The following GPATCH3 variants were observed in gnomAD, a reference collection of about 807,000 sequenced individuals.
GPATCH3 encodes the protein G-patch domain containing 3.
A neutral mutation model predicts 53.2 loss-of-function variants in GPATCH3; 45 were observed. The ratio of observed to expected loss-of-function variants is 0.85; its 90% CI spans 0.67 to 1.08. The LOEUF is 1.08. Among genes scored for constraint, GPATCH3 ranks in the 50% least tolerant of loss-of-function variants. The pLI is 0.00. For synonymous variants in GPATCH3, 280 were observed against 270.6 expected, an observed-to-expected ratio of 1.03 and a Z score of -0.34; for missense variants, 680 against 687.2, an observed-to-expected ratio of 0.99 and a Z score of 0.12.
chr1:26,900,145 G>A lies in GPATCH3; in HGVS notation c.298C>T (p.Arg100Cys), dbSNP rs2081968900. Reference sequence around the variant, plus strand: ...ACCGAGATGACGCAGCAGCAGGTGCGGGTCTGGATTGGAGTAGAGTCTCGA... The same window carrying A: ...ACCGAGATGACGCAGCAGCAGGTGCAGGTCTGGATTGGAGTAGAGTCTCGA... ...STRDSTPIQT[R>C]TCCCVISVRG... The change falls in exon 1 of 7, where the codon CGC (arginine) becomes TGC (cysteine). Residue 100 changes from arginine (R) to cysteine (C), a missense_variant. Physicochemically the swap from Arg to Cys is radical, Grantham distance 180. Transcript: ENST00000361720. 2.5e-6 allele frequency: 4 copies of A among 1,614,174 alleles called. No individual in the cohort carries two copies. The highest frequency in any genetic ancestry group is 4.5e-5 in the East Asian group (2 of 44,880).
rs1370496471 is a variant in GPATCH3, at chr1:26,890,937, C to T, written c.*73G>A. On this transcript the variant is annotated 3_prime_UTR_variant, in exon 7 of 7. Transcript: ENST00000361720. Reference sequence around the variant, plus strand: ...AAGACTGCTGCTCCCAGACTCCTTTCTGCTTCAGTGGTAGATGAGGCCAGG... The same window carrying T: ...AAGACTGCTGCTCCCAGACTCCTTTTTGCTTCAGTGGTAGATGAGGCCAGG... 7.3e-7 allele frequency: 1 copy of T among 1,373,920 alleles called. No individual in the cohort carries two copies. The highest frequency in any genetic ancestry group is 1.0e-6 in the Non-Finnish European group (1 of 962,114). 85.1% of individuals were successfully genotyped at this position (1,373,920 alleles called of 1,614,324 possible). A position where few individuals can be genotyped will look rare whatever the true frequency, so the allele number is the denominator to read the frequency against.
chr1:26,894,823 T>C (rs1486484623), intron 2 of GPATCH3, among the ~76,000 whole-genome samples: 1 of 152,156 alleles, frequency 6.6e-6, no homozygotes, highest in East Asian at 1.9e-4. Flanking sequence ...CCTTTTTATG[T>C]CATATCACAA....
At chr1:26,894,173 A>T (rs2081940682) in intron 3 of GPATCH3, 63 bp downstream of exon 3, 1 of 1,540,050 alleles carries the variant, frequency 6.5e-7, no homozygotes, top group Non-Finnish European at 8.9e-7. Flanking sequence ...ACCGTGTGGA[A>T]CAGGGAACCC....
At chr1:26,891,999 G>A (rs1050177587) in intron 6 of GPATCH3, among the ~76,000 whole-genome samples, 1 of 152,048 alleles carries the variant, frequency 6.6e-6, no homozygotes, top group East Asian at 1.9e-4. Flanking sequence ...GAGCCACTGC[G>A]CCCGGCTAAT....
chr1:26,893,863 C>T (rs1360732075), intron 3 of GPATCH3, among the ~76,000 whole-genome samples: 2 of 152,056 alleles, frequency 1.3e-5, no homozygotes, highest in African/African-American at 2.4e-5. Flanking sequence ...GTCCCCCAGG[C>T]TGGAGTAAAG....
intron 2 of GPATCH3, 42 bp from the exon 3 acceptor site, chr1:26,894,452 T>A: frequency 6.3e-7 from 1 of 1,596,810 alleles, no homozygotes. Context: ...CTTCCTGACC[T>A]CATGCCCCGA....
chr1:26,895,545 G>T (rs1279028549), intron 2 of GPATCH3, among the ~76,000 whole-genome samples: 4 of 144,240 alleles, frequency 2.8e-5, no homozygotes, highest in Non-Finnish European at 6.2e-5. Context: ...AAAAAAAAAG[G>T]AAAGGAAGGA....
chr1:26,892,580 C>T (rs1432480290), intron 5 of GPATCH3, 42 bp from the exon 6 acceptor site: 9 of 1,605,916 alleles, frequency 5.6e-6, no homozygotes, highest in Admixed American at 3.3e-5. Context: ...GGGGCTCCTG[C>T]TGGGAGCAGG....
At chr1:26,899,754 G>C (rs534130891) in intron 1 of GPATCH3, among the ~76,000 whole-genome samples, 1 of 152,232 alleles carries the variant, frequency 6.6e-6, no homozygotes, top group African/African-American at 2.4e-5. Context: ...CCCTTGGATA[G>C]AGAAAGGGTC....
intron 1 of GPATCH3, among the ~76,000 whole-genome samples, chr1:26,899,179 A>C (rs936269901): frequency 6.6e-5 from 10 of 152,220 alleles, no homozygotes; most frequent in African/African-American, 2.4e-4. Flanking sequence ...GGTGATAAAC[A>C]GTATAGGCTC....
Position 26,893,529 on chromosome 1 carries a change from CTTTTTTTTT to C in GPATCH3, c.1052-90_1052-82del, listed in dbSNP as rs57218076. The C allele has an allele frequency of 1.9e-5, 7 of 373,110 alleles. No homozygotes were observed. In the East Asian group the frequency reaches 2.0e-4, roughly 11 times the overall value. 23.1% of individuals were successfully genotyped at this position (373,110 alleles called of 1,614,324 possible). A position where few individuals can be genotyped will look rare whatever the true frequency, so the allele number is the denominator to read the frequency against. On this transcript the variant is annotated intron_variant, in intron 3 of 6. Coordinates refer to ENST00000361720, the MANE Select transcript of GPATCH3 (RefSeq NM_022078.3). ...AGAGTTAAACCTAGAGTTTTTTTGGCTTTTTTTTTTTTTTTTTTTTTGAGACAGAATCTC... is the reference window on the plus strand; with the variant it reads ...AGAGTTAAACCTAGAGTTTTTTTGGCTTTTTTTTTTTTGAGACAGAATCTC...
intron 2 of GPATCH3, 118 bp from the exon 3 acceptor site, chr1:26,894,528 C>G: frequency 1.0e-6 from 1 of 970,766 alleles, no homozygotes; most frequent in South Asian, 1.6e-5. Context: ...TCAGATTTCT[C>G]CAAGAAGCAG....
At chr1:26,896,308 T>C (rs1343098676) in intron 2 of GPATCH3, among the ~76,000 whole-genome samples, 1 of 151,822 alleles carries the variant, frequency 6.6e-6, no homozygotes, top group Non-Finnish European at 1.5e-5. Context: ...TGGTCTTTCA[T>C]GTGGAATTTT....
rs1000572318 is a variant in GPATCH3 at position 26,891,146 on chromosome 1, T to C, written c.1442A>G (p.Tyr481Cys). ...CTGGTCTTGGGGTAGAGGCTCATCA[T>C]AGATGGTGGAGATGAGCCCCAAGCC... ...RNGLGLISTI[Y>C]DEPLPQDQTE... is the part of the protein sequence containing the mutation. The change falls in exon 7 of 7, where the codon TAT becomes TGT. Residue 481 changes from tyrosine to cysteine, a missense_variant. Physicochemically the swap from Tyr to Cys is radical, Grantham distance 194 (BLOSUM62 -2). Transcript: ENST00000361720. The C allele has an allele frequency of 2.5e-6, 4 of 1,614,064 alleles. No homozygotes were observed. Among genetic ancestry groups the C allele is most frequent in the African/African-American group, 1.3e-5 (1 of 75,006 alleles).
intron 2 of GPATCH3, among the ~76,000 whole-genome samples, chr1:26,895,742 A>G (rs984206946): frequency 4.0e-5 from 6 of 151,160 alleles, no homozygotes; most frequent in African/African-American, 1.5e-4. Flanking sequence ...GCTTCAAGTG[A>G]TTCTCCTGCC....
rs2081922312 is a variant in GPATCH3, at chr1:26,891,008, G to A, written c.*2C>T. The A allele has an allele frequency of 3.7e-6, 6 of 1,613,048 alleles. No individual in the cohort carries two copies. The highest frequency in any genetic ancestry group is 1.3e-5 in the African/African-American group (1 of 74,992). On this transcript the variant is annotated 3_prime_UTR_variant, in exon 7 of 7. Transcript: ENST00000361720. ...AGCTATGAAAGGAAGCCCCCAACCC[G>A]GTCAGTCAGGCAATGAGGGGCTGTC...
chr1:26,898,557 C>T (rs1305848245), intron 1 of GPATCH3, among the ~76,000 whole-genome samples: 1 of 152,016 alleles, frequency 6.6e-6, no homozygotes, highest in East Asian at 1.9e-4. Flanking sequence ...TGATATCTAC[C>T]CACCTGATGA....
At position 26,893,417 on chromosome 1, in the gene GPATCH3, A is replaced by G; in HGVS notation, c.1083T>C (p.Asp361=). ...TGTCATAGTACACACTCATGTCCAC[A>G]TCCCAGTCATCGGCTGTCTGTTCAT... The part of the protein sequence containing the change: ...DFDEQTADDW[D]VDMSVYYDRD... Residue 361 remains aspartate (D), a synonymous_variant, in exon 4 of 7, where the codon GAT becomes GAC. Transcript: ENST00000361720. 1 of 1,613,170 alleles carries G rather than the reference A, an allele frequency of 6.2e-7. No individual in the cohort carries two copies.
At chr1:26,892,891 A>G (rs1007144474) in intron 4 of GPATCH3, 100 bp from the exon 5 acceptor site, 4 of 1,431,424 alleles carry the variant, frequency 2.8e-6, no homozygotes, top group African/African-American at 2.8e-5. Context: ...ATTCATTTTA[A>G]TAGTGTTCTG....
Sources: allele counts gnomAD v4.1 joint callset (sites outside exome capture counted in the v4.1 genomes callset), GRCh38; gene constraint gnomAD v4.1.1; transcripts MANE v1.5; gene names NCBI Gene and HGNC (gene_info 2026-07-23, HGNC 2026-07-21).